The following ESRRG variants were observed in gnomAD, a reference collection of about 807,000 sequenced individuals.
ESRRG encodes estrogen related receptor gamma, also known as estrogen-related receptor gamma.
Under a neutral mutation model 44.0 loss-of-function variants are expected in ESRRG, and 13 were observed. That is an observed-to-expected ratio of 0.30 (90% CI 0.19 to 0.47). ESRRG has a LOEUF of 0.47. Ranked by LOEUF, ESRRG falls within the 20% of genes least tolerant of loss-of-function variation. The probability of loss-of-function intolerance (pLI) is 1.00; values close to 1 mark genes in which losing one functional copy is unlikely to be tolerated. For missense variants in ESRRG, 395 were observed against 580.6 expected (o/e 0.68, Z 3.29); for synonymous variants, 215 against 214.6 (o/e 1.00, Z -0.02).
intron 1 of ESRRG, among the ~76,000 whole-genome samples, chr1:217,060,790 A>AGATG (rs2088220204): frequency 2.0e-5 from 1 of 51,208 alleles, no homozygotes; most frequent in African/African-American, 5.4e-5. Context: ...ATTGAACACT[A>AGATG]GATAGATAGA....
At chr1:216,868,977 G>A (rs960177944) in intron 2 of ESRRG, among the ~76,000 whole-genome samples, 12 of 151,968 alleles carry the variant, frequency 7.9e-5, no homozygotes, top group Non-Finnish European at 8.8e-5. Flanking sequence ...GAGCTTTGTC[G>A]GCTATGTGCT....
intron 5 of ESRRG, among the ~76,000 whole-genome samples, chr1:216,552,351 G>C (rs1354295479): frequency 6.6e-6 from 1 of 152,242 alleles, no homozygotes; most frequent in South Asian, 2.1e-4. Context: ...GCACAACTGA[G>C]CATTAATAGA....
At chr1:216,981,877 C>T (rs2074032069) in intron 1 of ESRRG, among the ~76,000 whole-genome samples, 1 of 152,208 alleles carries the variant, frequency 6.6e-6, no homozygotes, top group Non-Finnish European at 1.5e-5. Context: ...ACCCTGTTCT[C>T]ACCATGTCAT....
chr1:217,055,553 T>C (rs1045740878), intron 1 of ESRRG, among the ~76,000 whole-genome samples: 15 of 152,270 alleles, frequency 9.9e-5, no homozygotes, highest in African/African-American at 3.6e-4. Context: ...GCAACCTTCA[T>C]GTACCCCAAA....
intron 2 of ESRRG, among the ~76,000 whole-genome samples, chr1:216,851,819 A>G (rs1056402607): frequency 2.0e-5 from 3 of 152,230 alleles, no homozygotes; most frequent in Admixed American, 2.0e-4. Context: ...TTATAGAAAT[A>G]AACAAGACCA....
intron 5 of ESRRG, among the ~76,000 whole-genome samples, chr1:216,555,099 C>A (rs547928140): frequency 4.6e-5 from 7 of 152,260 alleles, no homozygotes; most frequent in Admixed American, 4.6e-4. Flanking sequence ...GTTTCTTGAA[C>A]CTGGTGGTTA....
At chr1:216,714,538 G>T in intron 1 of ESRRG, 1 of 967,942 alleles carries the variant, frequency 1.0e-6, no homozygotes, top group Non-Finnish European at 1.2e-6. Context: ...AGACAAGATA[G>T]AAAGCAAGGC....
In ESRRG at chr1:216,840,679, G is replaced by A. The variant is rs565619471; in HGVS notation, c.-14+98903C>T. 3.7e-4 allele frequency among the ~76,000 whole-genome samples: 56 copies of A among 152,234 alleles called. 2 individuals are homozygous for A. The highest frequency in any genetic ancestry group is 1.3e-3 in the African/African-American group (52 of 41,538). ...TCTTTCCTTCACTTGAACACTTAGA[G>A]GTCATTGTAAGGTTACTAATTGGCC... On this transcript the variant is annotated intron_variant, in intron 2 of 7. Coordinates refer to the ESRRG transcript ENST00000359162.
chr1:216,786,724 C>T (rs1179905641), intron 2 of ESRRG, among the ~76,000 whole-genome samples: 1 of 152,088 alleles, frequency 6.6e-6, no homozygotes, highest in Non-Finnish European at 1.5e-5. Context: ...CATCAAATTC[C>T]AGTCTGATTT....
rs534672412 is a variant in ESRRG at position 216,559,368 on chromosome 1, T to C, written c.862+4851A>G. On this transcript the variant is annotated intron_variant, in intron 5 of 6. Coordinates refer to ENST00000408911, the MANE Select transcript of ESRRG (RefSeq NM_001438.4). ...TAATTCATTCATAGCAAAGTAGAAA[T>C]ATTATAAGTCCACGTAAATTGAGTT... is the stretch of plus-strand genomic sequence containing the variant. Among the ~76,000 whole-genome samples, 410 of 152,268 alleles carry C rather than the reference T, an allele frequency of 2.7e-3. 1 individual carries two copies. Among genetic ancestry groups the C allele is most frequent in the African/African-American group, 9.5e-3 (395 of 41,560 alleles).
intron 2 of ESRRG, among the ~76,000 whole-genome samples, chr1:216,749,987 A>G (rs2091848325): frequency 1.3e-5 from 2 of 152,210 alleles, no homozygotes; most frequent in African/African-American, 4.8e-5. Flanking sequence ...TAGGAAAAAC[A>G]TTTTAAAGAT....
intron 3 of ESRRG, among the ~76,000 whole-genome samples, chr1:216,583,947 G>A (rs2063280193): frequency 6.6e-6 from 1 of 152,144 alleles, no homozygotes; most frequent in African/African-American, 2.4e-5. Context: ...TTGAATCCAT[G>A]ATTAAATTGG....
intron 1 of ESRRG, among the ~76,000 whole-genome samples, chr1:216,965,881 C>T (rs1293222549): frequency 1.3e-5 from 2 of 152,138 alleles, no homozygotes; most frequent in African/African-American, 4.8e-5. Flanking sequence ...CTTGGCCTTC[C>T]AGTTCATTCT....
chr1:216,742,479 A>G lies in ESRRG; in HGVS notation c.-13-64988T>C, dbSNP rs76419933. Reference sequence around the variant, plus strand: ...GACAAGAACTACCTGGTTCATCTTTATATTCCCACTAGTACCCAGTAGAGT... The same window carrying G: ...GACAAGAACTACCTGGTTCATCTTTGTATTCCCACTAGTACCCAGTAGAGT... On this transcript the variant is annotated intron_variant, in intron 2 of 7. Transcript: ENST00000359162. Among the ~76,000 whole-genome samples, 281 of 152,292 alleles carry G rather than the reference A, an allele frequency of 1.8e-3. 2 individuals are homozygous for G. Among genetic ancestry groups the G allele is most frequent in the African/African-American group, 6.5e-3 (270 of 41,570 alleles).
intron 1 of ESRRG, among the ~76,000 whole-genome samples, chr1:217,126,377 C>A (rs72743330): frequency 1.3e-5 from 2 of 152,096 alleles, no homozygotes; most frequent in Non-Finnish European, 2.9e-5. Context: ...AATTATATCA[C>A]GCCAAGTGGT....
rs539261757 is a variant in ESRRG at position 216,964,219 on chromosome 1, G to T, written c.-105-24546C>A. On this transcript the variant is annotated intron_variant, in intron 1 of 7. Transcript: ENST00000359162. ...GTCTTTATCCTCAGAGCAAAGCAAA[G>T]TCACTGGCACAAAGTAAACGTAGGT... 1.0e-3 allele frequency among the ~76,000 whole-genome samples: 159 copies of T among 152,272 alleles called. 1 individual carries two copies. Among genetic ancestry groups the T allele is most frequent in the African/African-American group, 3.6e-3 (151 of 41,576 alleles).
chr1:216,722,445 A>G (rs539011119), intron 1 of ESRRG, among the ~76,000 whole-genome samples: 12 of 133,614 alleles, frequency 9.0e-5, no homozygotes, highest in African/African-American at 3.1e-4. Context: ...ATATATTTCC[A>G]TGTGCATAAA....
intron 5 of ESRRG, among the ~76,000 whole-genome samples, chr1:216,534,205 C>A (rs1156443011): frequency 6.6e-6 from 1 of 152,110 alleles, no homozygotes; most frequent in Non-Finnish European, 1.5e-5. Context: ...TCATTCACTC[C>A]AGAATGGGGT....
At chr1:216,674,251 G>C (rs180948826) in intron 2 of ESRRG, among the ~76,000 whole-genome samples, 4 of 152,324 alleles carry the variant, frequency 2.6e-5, no homozygotes, top group Admixed American at 1.3e-4. Context: ...ATGCTCAGAA[G>C]TGATGAAAAG....
Sources: allele counts gnomAD v4.1 joint callset (sites outside exome capture counted in the v4.1 genomes callset), GRCh38; gene constraint gnomAD v4.1.1; transcripts MANE v1.5; gene names NCBI Gene and HGNC (gene_info 2026-07-23, HGNC 2026-07-21).